The following AUTS2 variants were observed in gnomAD, a reference collection of about 807,000 sequenced individuals.
AUTS2 encodes autism susceptibility gene 2 protein.
A neutral mutation model predicts 112.4 loss-of-function variants in AUTS2; 17 were observed. That is an observed-to-expected ratio of 0.15 (90% CI 0.10 to 0.23). The LOEUF is 0.23. Ranked by LOEUF, AUTS2 falls within the 10% of genes least tolerant of loss-of-function variation. The pLI is 1.00. For synonymous variants in AUTS2, 751 were observed against 702.7 expected (o/e 1.07, Z -1.09); for missense variants, 1,510 against 1,701.6 (o/e 0.89, Z 1.98).
intron 2 of AUTS2, among the ~76,000 whole-genome samples, chr7:69,978,575 A>G (rs887543930): frequency 1.3e-5 from 2 of 152,328 alleles, no homozygotes; most frequent in African/African-American, 4.8e-5. Context: ...GCAGTGGCTC[A>G]TGCCTGTAAT....
intron 2 of AUTS2, among the ~76,000 whole-genome samples, chr7:70,010,432 C>CA (rs1171826296): frequency 1.3e-5 from 2 of 152,186 alleles, no homozygotes; most frequent in African/African-American, 4.8e-5. Context: ...CAGCATAAGG[C>CA]ACTACGCCTG....
At chr7:70,252,741 C>G (rs1294706815) in intron 4 of AUTS2, among the ~76,000 whole-genome samples, 1 of 152,066 alleles carries the variant, frequency 6.6e-6, no homozygotes, top group Non-Finnish European at 1.5e-5. Flanking sequence ...AGTTTTCAGT[C>G]CATTTTGAGT....
At chr7:69,763,287 T>C (rs1562866732) in intron 1 of AUTS2, among the ~76,000 whole-genome samples, 1 of 152,180 alleles carries the variant, frequency 6.6e-6, no homozygotes. Context: ...TGAGGATGAT[T>C]AGGTAGAACC....
At chr7:70,330,789 A>G in intron 4 of AUTS2, among the ~76,000 whole-genome samples, 1 of 152,190 alleles carries the variant, frequency 6.6e-6, no homozygotes, top group East Asian at 1.9e-4. Flanking sequence ...CAAGTCTTTT[A>G]AAATTTCTTT....
At chr7:70,676,446 G>C (rs957496219) in intron 5 of AUTS2, among the ~76,000 whole-genome samples, 6 of 151,884 alleles carry the variant, frequency 4.0e-5, no homozygotes, top group South Asian at 2.1e-4. Context: ...AATAAAGAGA[G>C]AGAGAGAGAG....
At chr7:70,433,215 TA>T (rs909696574) in intron 4 of AUTS2, among the ~76,000 whole-genome samples, 7 of 152,142 alleles carry the variant, frequency 4.6e-5, no homozygotes, top group African/African-American at 1.7e-4. Context: ...GCCGTTAGGA[TA>T]GGGGGCACAG....
intron 2 of AUTS2, among the ~76,000 whole-genome samples, chr7:69,971,350 TATC>T (rs1797842677): frequency 6.6e-6 from 1 of 152,204 alleles, no homozygotes; most frequent in Non-Finnish European, 1.5e-5. Context: ...TGAGGAGTAT[TATC>T]ACCTAATGTA....
intron 4 of AUTS2, among the ~76,000 whole-genome samples, chr7:70,312,253 A>G (rs532969579): frequency 6.6e-6 from 1 of 152,288 alleles, no homozygotes; most frequent in East Asian, 1.9e-4. Context: ...ACCATGGGGT[A>G]TCTGATTACT....
chr7:70,239,738 G>A (rs1812511524), intron 4 of AUTS2, among the ~76,000 whole-genome samples: 1 of 152,110 alleles, frequency 6.6e-6, no homozygotes, highest in African/African-American at 2.4e-5. Context: ...CCCGGCCCCT[G>A]CAACCTAATT....
intron 2 of AUTS2, among the ~76,000 whole-genome samples, chr7:69,948,094 G>A (rs1045206589): frequency 2.3e-4 from 35 of 152,166 alleles, no homozygotes; most frequent in Admixed American, 1.2e-3. Flanking sequence ...AAATGAAATA[G>A]CCATAGACTG....
Position 69,697,424 on chromosome 7 carries a change from A to T in AUTS2, c.309+97462A>T, listed in dbSNP as rs537251869. Among the ~76,000 whole-genome samples the T allele has an allele frequency of 3.3e-5, 5 of 152,172 alleles. No individual in the cohort carries two copies. The South Asian group carries it at 8.3e-4, about 25-fold the overall frequency. On this transcript the variant is annotated intron_variant, in intron 1 of 18. Coordinates refer to ENST00000342771, the MANE Select transcript of AUTS2 (RefSeq NM_015570.4). ...AAATGATCTCTGCCTTGGGGAACTC[A>T]CAGTTGAGAGAGGATTAAATTAAGA...
rs142337414 is a variant in AUTS2 at position 70,122,667 on chromosome 7, G to A, written c.624+4434G>A. Among the ~76,000 whole-genome samples the A allele has an allele frequency of 1.4e-3, 212 of 152,030 alleles. 1 individual carries two copies. The East Asian group carries it at 0.015, about 11-fold the overall frequency. ...AAAAATTTGTGGGCATATAGTAGGC[G>A]TATTGTTCATTAATTATTAAAATTC... On this transcript the variant is annotated intron_variant, in intron 3 of 18. Coordinates refer to ENST00000342771, the MANE Select transcript of AUTS2 (RefSeq NM_015570.4).
rs541081029 is a variant in AUTS2, at chr7:70,649,591, C to T, written c.691-48978C>T. On this transcript the variant is annotated intron_variant, in intron 5 of 18. Coordinates refer to ENST00000342771, the MANE Select transcript of AUTS2 (RefSeq NM_015570.4). The stretch of plus-strand genomic sequence containing the variant: ...TCACCCGGGCTGGAGTGCAGTAGTG[C>T]GATCTTGGCTTGCTGCAGCCTCTGC... Among the ~76,000 whole-genome samples the T allele has an allele frequency of 3.6e-4, 54 of 151,760 alleles. No individual in the cohort carries two copies. The South Asian group carries it at 0.011, about 31-fold the overall frequency.
chr7:69,777,243 C>G (rs551137398), intron 1 of AUTS2, among the ~76,000 whole-genome samples: 1 of 152,242 alleles, frequency 6.6e-6, no homozygotes, highest in South Asian at 2.1e-4. Flanking sequence ...ACCTCCTAAC[C>G]CTTACCTTCT....
At position 69,851,203 on chromosome 7, in the gene AUTS2, C is replaced by T. The variant is rs137856988; in HGVS notation, c.310-48083C>T. 7.0e-4 allele frequency among the ~76,000 whole-genome samples: 107 copies of T among 152,276 alleles called. 1 individual carries two copies. The East Asian group carries it at 0.02, about 28-fold the overall frequency. On this transcript the variant is annotated intron_variant, in intron 1 of 18. Coordinates refer to ENST00000342771, the MANE Select transcript of AUTS2 (RefSeq NM_015570.4). ...GTTCTCTATTCTGTCCGTTGATCTG[C>T]GTGTCTGTCCCTTCGCCAGTCCCTT...
intron 4 of AUTS2, among the ~76,000 whole-genome samples, chr7:70,231,016 C>T (rs1812019370): frequency 1.3e-5 from 2 of 152,250 alleles, no homozygotes; most frequent in South Asian, 2.1e-4. Context: ...GTGCTATAGA[C>T]TCTCACTGTT....
chr7:70,698,418 G>T (rs1369133589), intron 5 of AUTS2, 151 bp from the exon 6 acceptor site: 1 of 631,234 alleles, frequency 1.6e-6, no homozygotes, highest in Non-Finnish European at 2.7e-6. Flanking sequence ...CAGTCAACTA[G>T]CACCACCTTA....
intron 4 of AUTS2, among the ~76,000 whole-genome samples, chr7:70,359,737 G>A (rs1450050768): frequency 1.3e-5 from 2 of 152,082 alleles, no homozygotes; most frequent in Non-Finnish European, 2.9e-5. Context: ...GCCACACTGG[G>A]GATTAAATTT....
At chr7:69,681,418 GAC>G (rs1796789962) in intron 1 of AUTS2, among the ~76,000 whole-genome samples, 1 of 152,186 alleles carries the variant, frequency 6.6e-6, no homozygotes, top group African/African-American at 2.4e-5. Context: ...CTTCCAGACT[GAC>G]AGAGTGGCTA....
Sources: allele counts gnomAD v4.1 joint callset (sites outside exome capture counted in the v4.1 genomes callset), GRCh38; gene constraint gnomAD v4.1.1; transcripts MANE v1.5; gene names NCBI Gene and HGNC (gene_info 2026-07-23, HGNC 2026-07-21).